CNTNAP2: variants seen among roughly 807,000 people sequenced by gnomAD.
CNTNAP2 encodes contactin associated protein 2.
A neutral mutation model predicts 155.2 loss-of-function variants in CNTNAP2; 98 were observed. The ratio of observed to expected loss-of-function variants is 0.63; its 90% CI spans 0.54 to 0.75. The LOEUF is 0.75. Among genes scored for constraint, CNTNAP2 ranks in the 30% least tolerant of loss-of-function variants. The pLI, the probability that CNTNAP2 is intolerant of heterozygous loss-of-function variation, is 0.00. For missense variants in CNTNAP2, 1,727 were observed against 1,688.1 expected, an observed-to-expected ratio of 1.02 and a Z score of -0.40; for synonymous variants, 651 against 631.2, an observed-to-expected ratio of 1.03 and a Z score of -0.47.
intron 13 of CNTNAP2, among the ~76,000 whole-genome samples, chr7:147,664,420 T>A (rs1215670595): frequency 6.6e-6 from 1 of 152,198 alleles, no homozygotes; most frequent in Non-Finnish European, 1.5e-5. Context: ...AAGAGAAAAA[T>A]CTGTCTCAAA....
chr7:147,802,353 T>C (rs2116592679), intron 13 of CNTNAP2, among the ~76,000 whole-genome samples: 1 of 150,116 alleles, frequency 6.7e-6, no homozygotes, highest in South Asian at 2.1e-4. Context: ...GCAGAGACAC[T>C]CCTCACCTCC....
chr7:146,624,014 T>C (rs1799376992), intron 1 of CNTNAP2, among the ~76,000 whole-genome samples: 1 of 152,070 alleles, frequency 6.6e-6, no homozygotes. Context: ...GGCAAATATG[T>C]TGTGTATTGT....
At chr7:146,502,616 G>A (rs1797321992) in intron 1 of CNTNAP2, among the ~76,000 whole-genome samples, 1 of 151,810 alleles carries the variant, frequency 6.6e-6, no homozygotes, top group African/African-American at 2.4e-5. Context: ...TGTGATTTTT[G>A]TTGTTGTTGT....
At chr7:147,689,985 C>T (rs551132081) in intron 13 of CNTNAP2, among the ~76,000 whole-genome samples, 6 of 131,434 alleles carry the variant, frequency 4.6e-5, no homozygotes, top group South Asian at 2.1e-4. Context: ...TGAGGAACTA[C>T]GGTGTAGGAA....
intron 11 of CNTNAP2, among the ~76,000 whole-genome samples, chr7:147,540,156 G>T (rs1158272439): frequency 3.9e-5 from 6 of 152,080 alleles, no homozygotes; most frequent in Non-Finnish European, 5.9e-5. Context: ...GTTCTTTGAA[G>T]ACCTGGTCCC....
intron 3 of CNTNAP2, among the ~76,000 whole-genome samples, chr7:147,019,894 T>C (rs141167676): frequency 9.2e-4 from 140 of 151,920 alleles, no homozygotes; most frequent in Non-Finnish European, 1.6e-3. Context: ...AGAATTTAGC[T>C]AGAAAAAAAA....
chr7:146,371,542 AT>A (rs930801954), intron 1 of CNTNAP2, among the ~76,000 whole-genome samples: 3 of 150,634 alleles, frequency 2.0e-5, no homozygotes, highest in Non-Finnish European at 3.0e-5. Context: ...TAATTTTTTT[AT>A]TTTTTTTGTA....
chr7:147,747,381 C>G (rs187837891), intron 13 of CNTNAP2, among the ~76,000 whole-genome samples: 1 of 152,166 alleles, frequency 6.6e-6, no homozygotes, highest in Non-Finnish European at 1.5e-5. Context: ...GTTGATTGAA[C>G]TCTACTCCAT....
intron 2 of CNTNAP2, among the ~76,000 whole-genome samples, chr7:146,779,238 T>C (rs748742008): frequency 2.0e-5 from 3 of 152,200 alleles, no homozygotes; most frequent in Non-Finnish European, 4.4e-5. Flanking sequence ...AAAGTAAGTT[T>C]TTCTTCCTAG....
At chr7:146,796,826 A>C (rs1802778865) in intron 2 of CNTNAP2, among the ~76,000 whole-genome samples, 1 of 152,046 alleles carries the variant, frequency 6.6e-6, no homozygotes, top group Admixed American at 6.6e-5. Context: ...CTCAGAGGCA[A>C]GTGAAGCACT....
chr7:147,284,452 G>A (rs547758211), intron 8 of CNTNAP2, among the ~76,000 whole-genome samples: 5 of 151,810 alleles, frequency 3.3e-5, no homozygotes, highest in African/African-American at 1.2e-4. Context: ...ACATATGTGT[G>A]CATACACATA....
At chr7:146,269,666 A>T (rs1421342325) in intron 1 of CNTNAP2, among the ~76,000 whole-genome samples, 1 of 152,226 alleles carries the variant, frequency 6.6e-6, no homozygotes, top group African/African-American at 2.4e-5. Context: ...GAAGAAAATT[A>T]CTGTTCAACA....
chr7:147,694,863 T>A (rs1311308499), intron 13 of CNTNAP2, among the ~76,000 whole-genome samples: 2 of 152,164 alleles, frequency 1.3e-5, no homozygotes. Context: ...TACTTTTTTT[T>A]CTTTGCCTAC....
At chr7:148,121,007 G>A (rs1473166352) in intron 16 of CNTNAP2, among the ~76,000 whole-genome samples, 4 of 151,930 alleles carry the variant, frequency 2.6e-5, no homozygotes, top group Non-Finnish European at 4.4e-5. Flanking sequence ...TGTTGCTGTC[G>A]CTGTCTCATC....
chr7:148,071,739 T>G (rs1803387003), intron 15 of CNTNAP2, among the ~76,000 whole-genome samples: 3 of 152,346 alleles, frequency 2.0e-5, no homozygotes, highest in South Asian at 4.1e-4. Flanking sequence ...CCATAAATAC[T>G]TACCTTGTGA....
At chr7:148,017,108 T>C (rs896439560) in intron 15 of CNTNAP2, among the ~76,000 whole-genome samples, 2 of 152,232 alleles carry the variant, frequency 1.3e-5, no homozygotes, top group African/African-American at 4.8e-5. Flanking sequence ...CTGCATTAGC[T>C]CAGCAGCAGT....
At chr7:146,277,857 T>C (rs1800188244) in intron 1 of CNTNAP2, among the ~76,000 whole-genome samples, 1 of 152,124 alleles carries the variant, frequency 6.6e-6, no homozygotes, top group Non-Finnish European at 1.5e-5. Context: ...CCCTGGCATA[T>C]CTTGAAAGTG....
chr7:146,929,489 A>G (rs1796695732), intron 3 of CNTNAP2, among the ~76,000 whole-genome samples: 2 of 152,232 alleles, frequency 1.3e-5, no homozygotes. Flanking sequence ...AAGATGGGGA[A>G]AAAACAGAGC....
At chr7:146,961,182 T>A (rs112525944) in intron 3 of CNTNAP2, among the ~76,000 whole-genome samples, 2,502 of 152,320 alleles carry the variant, frequency 0.016, 32 homozygotes, top group Middle Eastern at 0.044. Flanking sequence ...ATTTACATTT[T>A]CATTCCCCTG....
Sources: gnomAD v4.1 joint callset for allele counts (sites outside exome capture counted in the v4.1 genomes callset) on GRCh38, gnomAD v4.1.1 for gene constraint, MANE v1.5 for transcripts, NCBI Gene and HGNC (gene_info 2026-07-23, HGNC 2026-07-21) for gene names.